The following PTRH1 variants were observed in gnomAD, a reference collection of about 807,000 sequenced individuals.
PTRH1 encodes the protein peptidyl-tRNA hydrolase.
In PTRH1, 13 loss-of-function variants were observed where a neutral mutation model predicts 15.7. That is an observed-to-expected ratio of 0.83 (90% CI 0.54 to 1.31). PTRH1 has a LOEUF of 1.31. PTRH1 is among the 40% of genes most tolerant of loss of function. PTRH1 has a pLI of 0.00. For synonymous variants in PTRH1, 139 were observed against 136.7 expected, an observed-to-expected ratio of 1.02 and a Z score of -0.12; for missense variants, 319 against 296.2, an observed-to-expected ratio of 1.08 and a Z score of -0.56.
downstream of PTRH1, chr9:127,711,914 G>C (rs201849501): frequency 2.3e-5 from 37 of 1,604,982 alleles, no homozygotes; most frequent in African/African-American, 3.6e-4. Flanking sequence ...TTGGAGCAGA[G>C]ATCCCTGCAG....
Position 127,713,897 on chromosome 9 carries a change from C to G in PTRH1, c.*203G>C. Reference sequence around the variant, plus strand: ...TAGTCTTCCTGAAGTTCCCCTACGTCCCAAGTAGGACACAGAGAGAAGAAC... The same window carrying G: ...TAGTCTTCCTGAAGTTCCCCTACGTGCCAAGTAGGACACAGAGAGAAGAAC... On this transcript the variant is annotated 3_prime_UTR_variant, in exon 5 of 5. Coordinates refer to ENST00000543175, the MANE Select transcript of PTRH1 (RefSeq NM_001002913.3). 6.2e-7 allele frequency: 1 copy of G among 1,613,454 alleles called. No individual in the cohort carries two copies. Among genetic ancestry groups the G allele is most frequent in the Non-Finnish European group, 8.5e-7 (1 of 1,179,518 alleles).
Position 127,714,051 on chromosome 9 carries a change from G to C in PTRH1, c.*49C>G. On this transcript the variant is annotated 3_prime_UTR_variant, in exon 5 of 5. Coordinates refer to ENST00000543175, the MANE Select transcript of PTRH1 (RefSeq NM_001002913.3). Reference sequence around the variant, plus strand: ...CTGGCGTGGCAGCTCTGTGGCAGTGGCTGGGTTGGTGGGCACTACAGTCAG... The same window carrying C: ...CTGGCGTGGCAGCTCTGTGGCAGTGCCTGGGTTGGTGGGCACTACAGTCAG... The C allele has an allele frequency of 6.3e-7, 1 of 1,597,010 alleles. No homozygotes were observed. The highest frequency in any genetic ancestry group is 8.6e-7 in the Non-Finnish European group (1 of 1,168,326).
chr9:127,711,885 G>A (rs1377728324), downstream of PTRH1: 1 of 1,594,878 alleles, frequency 6.3e-7, no homozygotes, highest in African/African-American at 1.3e-5. Flanking sequence ...CCGAGGAGCT[G>A]CGCCTCCTGC....
chr9:127,711,558 C>A, downstream of PTRH1: 1 of 1,568,494 alleles, frequency 6.4e-7, no homozygotes, highest in Non-Finnish European at 8.6e-7. Flanking sequence ...GCCCTGGGGG[C>A]CCTGCAGGGG....
chr9:127,707,030 C>T, intron 1 of PTRH1: 1 of 1,613,592 alleles, frequency 6.2e-7, no homozygotes, highest in Non-Finnish European at 8.5e-7. Context: ...TTGCCATCAG[C>T]CATGGCTCCC....
chr9:127,698,621 G>A (rs1000906121), intron 1 of PTRH1, among the ~76,000 whole-genome samples: 5 of 152,078 alleles, frequency 3.3e-5, no homozygotes, highest in Non-Finnish European at 7.4e-5. Flanking sequence ...AGGCTGCAGC[G>A]AGCCATGATT....
At chr9:127,706,657 G>A (rs1008817534) in intron 1 of PTRH1, among the ~76,000 whole-genome samples, 1 of 152,228 alleles carries the variant, frequency 6.6e-6, no homozygotes, top group African/African-American at 2.4e-5. Flanking sequence ...AACAGGCTTT[G>A]TGTGCCCAGG....
chr9:127,715,122 C>A lies in PTRH1; in HGVS notation c.169G>T (p.Ala57Ser). ...SVGMAVLGQL[A>S]RRLGVAESWT... Reference sequence around the variant, plus strand: ...CTCTCCGCCACACCCAGCCGCCGCGCCAGCTGCCCCAGCACCGCCATGCCC... The same window carrying A: ...CTCTCCGCCACACCCAGCCGCCGCGACAGCTGCCCCAGCACCGCCATGCCC... The change falls in exon 2 of 5, where the codon GCG (alanine) becomes TCG (serine). Residue 57 changes from alanine to serine, a missense_variant. Physicochemically the swap from Ala to Ser is moderately conservative, Grantham distance 99. Transcript: ENST00000543175. This position sits in a 1 kb window ranked among gnomAD's most constrained non-coding sequence, Gnocchi z 5.8. The A allele has an allele frequency of 6.5e-7, 1 of 1,535,306 alleles. No homozygotes were observed. The highest frequency in any genetic ancestry group is 8.7e-7 in the Non-Finnish European group (1 of 1,146,466).
chr9:127,709,595 A>C (rs772829577), downstream of PTRH1: 2 of 1,613,864 alleles, frequency 1.2e-6, no homozygotes, highest in Non-Finnish European at 1.7e-6. The surrounding 1 kb of genome is among the most constrained non-coding windows in gnomAD (Gnocchi z 4.7). Flanking sequence ...CAGCTAGCCA[A>C]AGAGATGGAG....
intron 1 of PTRH1, among the ~76,000 whole-genome samples, chr9:127,707,803 T>C (rs1490855136): frequency 6.6e-6 from 1 of 152,156 alleles, no homozygotes; most frequent in African/African-American, 2.4e-5. Flanking sequence ...ACCAGTTTCC[T>C]CCCCGTTGTG....
downstream of PTRH1, chr9:127,712,965 G>C: frequency 1.9e-6 from 3 of 1,598,920 alleles, no homozygotes; most frequent in Non-Finnish European, 2.6e-6. Flanking sequence ...GGCTCACCCT[G>C]GGCCAGAAAC....
intron 1 of PTRH1, chr9:127,695,250 A>C (rs1842549233): frequency 5.0e-6 from 3 of 601,416 alleles, no homozygotes; most frequent in Non-Finnish European, 8.9e-6. Flanking sequence ...AAAGCAGTTA[A>C]AAATGCATGA....
At chr9:127,706,407 A>C (rs1028842299) in intron 1 of PTRH1, among the ~76,000 whole-genome samples, 22 of 152,172 alleles carry the variant, frequency 1.4e-4, no homozygotes, top group African/African-American at 4.8e-4. Flanking sequence ...GTGGTGCTAT[A>C]GCCATCTCTT....
At position 127,705,455 on chromosome 9, in the gene PTRH1, C is replaced by T. The variant is rs931712979; in HGVS notation, c.205+9980G>A. ...GAAGTTCAGCTCGTCCCTCTTGCCA[C>T]GTGGTGCTGACAAAGCCATCCTGGT... On this transcript the variant is annotated intron_variant, in intron 1 of 2. Transcript: ENST00000335223. This position sits in a 1 kb window ranked among gnomAD's most constrained non-coding sequence, Gnocchi z 4.7. Among the ~76,000 whole-genome samples, 1 of 152,258 alleles carries T rather than the reference C, an allele frequency of 6.6e-6. No individual in the cohort carries two copies. The highest frequency in any genetic ancestry group is 6.5e-5 in the Admixed American group (1 of 15,282).
chr9:127,713,398 G>T, downstream of PTRH1: 1 of 515,518 alleles, frequency 1.9e-6, no homozygotes. Flanking sequence ...CACATGCCCT[G>T]GGAGGGGGGT....
intron 1 of PTRH1, among the ~76,000 whole-genome samples, chr9:127,706,776 G>A (rs1263805519): frequency 2.0e-5 from 3 of 152,216 alleles, no homozygotes; most frequent in African/African-American, 7.2e-5. Context: ...GGGAGAAAGA[G>A]GGTTGTCCCC....
chr9:127,713,163 A>C (rs497632), downstream of PTRH1: 892,776 of 1,597,826 alleles, frequency 0.56, 252,144 homozygotes, highest in Middle Eastern at 0.63. Flanking sequence ...CTGCTGTCAT[A>C]TATCACCCGT....
At chr9:127,701,181 G>A (rs1327332684) in intron 1 of PTRH1, among the ~76,000 whole-genome samples, 1 of 152,120 alleles carries the variant, frequency 6.6e-6, no homozygotes, top group African/African-American at 2.4e-5. Flanking sequence ...GGTCTTGGCT[G>A]GAGGCACGCT....
At chr9:127,694,282 G>A (rs1842535266) in intron 2 of PTRH1, among the ~76,000 whole-genome samples, 1 of 152,098 alleles carries the variant, frequency 6.6e-6, no homozygotes, top group African/African-American at 2.4e-5. Context: ...TTTGGAACGA[G>A]ATCCAAGACT....
Sources: gnomAD v4.1 joint callset for allele counts (sites outside exome capture counted in the v4.1 genomes callset) on GRCh38, gnomAD v4.1.1 for gene constraint, Gnocchi (gnomAD v3.1) non-coding constraint, MANE v1.5 for transcripts, NCBI Gene and HGNC (gene_info 2026-07-23, HGNC 2026-07-21) for gene names.